DAB1: variants seen among roughly 807,000 people sequenced by gnomAD.
DAB1 encodes the protein DAB adaptor protein 1.
Under a neutral mutation model 64.6 loss-of-function variants are expected in DAB1, and 15 were observed. That is an observed-to-expected ratio of 0.23 (90% CI 0.16 to 0.36). The LOEUF (loss-of-function observed/expected upper bound fraction) is 0.36, where lower values mean the gene tolerates loss of function less well. Among genes scored for constraint, DAB1 ranks in the 10% least tolerant of loss-of-function variants. DAB1 has a pLI of 1.00. For synonymous variants in DAB1, 235 were observed against 251.9 expected, an observed-to-expected ratio of 0.93 and a Z score of 0.64; for missense variants, 596 against 706.7, an observed-to-expected ratio of 0.84 and a Z score of 1.78.
intron 1 of DAB1, among the ~76,000 whole-genome samples, chr1:57,316,657 T>C (rs1251141901): frequency 6.6e-6 from 1 of 152,134 alleles, no homozygotes; most frequent in Non-Finnish European, 1.5e-5. Context: ...GCAGCTTGGA[T>C]CTACCTCAAA....
intron 5 of DAB1, among the ~76,000 whole-genome samples, chr1:57,965,891 C>G (rs1473798050): frequency 6.6e-6 from 1 of 151,942 alleles, no homozygotes; most frequent in Non-Finnish European, 1.5e-5. Flanking sequence ...TGCATTGTGG[C>G]AAATTTCTCT....
intron 6 of DAB1, among the ~76,000 whole-genome samples, chr1:57,812,508 G>T (rs565794203): frequency 1.3e-5 from 2 of 152,140 alleles, no homozygotes; most frequent in Non-Finnish European, 2.9e-5. Context: ...GGAGGCCGCA[G>T]ATAGAGGTCA....
intron 2 of DAB1, among the ~76,000 whole-genome samples, chr1:57,247,690 C>T (rs1374439717): frequency 6.6e-6 from 1 of 152,196 alleles, no homozygotes; most frequent in Non-Finnish European, 1.5e-5. Context: ...TTCTAGGCTT[C>T]CTTGTTGTTA....
intron 1 of DAB1, among the ~76,000 whole-genome samples, chr1:57,863,499 T>C (rs943359811): frequency 6.6e-6 from 1 of 152,170 alleles, no homozygotes; most frequent in Non-Finnish European, 1.5e-5. Flanking sequence ...GATGGCCCTG[T>C]AGTCCAGTCA....
intron 10 of DAB1, among the ~76,000 whole-genome samples, chr1:57,025,127 G>A (rs1253068098): frequency 6.6e-6 from 1 of 152,224 alleles, no homozygotes; most frequent in East Asian, 1.9e-4. Context: ...AGCTTCAGCT[G>A]GTGCAGCTGC....
intron 5 of DAB1, among the ~76,000 whole-genome samples, chr1:57,912,605 G>T (rs1216210629): frequency 2.0e-5 from 3 of 152,138 alleles, no homozygotes; most frequent in Non-Finnish European, 4.4e-5. Flanking sequence ...CAATCAGGCA[G>T]GAGAAGGAAA....
At chr1:58,323,246 A>AATC (rs1014887775) in intron 4 of DAB1, among the ~76,000 whole-genome samples, 25 of 150,732 alleles carry the variant, frequency 1.7e-4, no homozygotes, top group Admixed American at 2.6e-4. Context: ...TAATAATAAT[A>AATC]ATAATAATAA....
intron 3 of DAB1, among the ~76,000 whole-genome samples, chr1:58,396,015 G>T (rs1405567204): frequency 6.6e-6 from 1 of 151,560 alleles, no homozygotes; most frequent in Non-Finnish European, 1.5e-5. Flanking sequence ...AACCCTGATT[G>T]TTAGCCAGCC....
At chr1:57,365,422 T>C (rs1679916497) in intron 1 of DAB1, among the ~76,000 whole-genome samples, 1 of 146,968 alleles carries the variant, frequency 6.8e-6, no homozygotes, top group East Asian at 2.0e-4. Context: ...ATATATATTC[T>C]GTACTTCACA....
chr1:57,250,929 C>T (rs1015807390), intron 2 of DAB1, among the ~76,000 whole-genome samples: 7 of 152,164 alleles, frequency 4.6e-5, no homozygotes, highest in Non-Finnish European at 7.3e-5. Flanking sequence ...GAACTTACAT[C>T]TTTCTGGAAT....
chr1:58,149,188 T>C (rs1184202865), intron 5 of DAB1, among the ~76,000 whole-genome samples: 1 of 152,288 alleles, frequency 6.6e-6, no homozygotes, highest in East Asian at 1.9e-4. Flanking sequence ...GATCAGCAGA[T>C]AGTAAGAACA....
chr1:58,142,440 GT>G (rs1557669067), intron 5 of DAB1, among the ~76,000 whole-genome samples: 1 of 152,180 alleles, frequency 6.6e-6, no homozygotes, highest in African/African-American at 2.4e-5. Flanking sequence ...GAGTGGTGGC[GT>G]TTTTGTTTCT....
At chr1:58,218,739 A>G (rs1210979145) in intron 4 of DAB1, among the ~76,000 whole-genome samples, 2 of 152,172 alleles carry the variant, frequency 1.3e-5, no homozygotes, top group Admixed American at 1.3e-4. Context: ...TAAATGCTCA[A>G]TGACCACAAC....
chr1:57,156,001 C>T (rs745530427), intron 2 of DAB1, among the ~76,000 whole-genome samples: 2 of 152,004 alleles, frequency 1.3e-5, no homozygotes, highest in African/African-American at 2.4e-5. Context: ...AATTTGGATG[C>T]CCTAAGAATC....
At chr1:57,301,217 A>C (rs950543226) in intron 1 of DAB1, among the ~76,000 whole-genome samples, 1 of 152,156 alleles carries the variant, frequency 6.6e-6, no homozygotes, top group African/African-American at 2.4e-5. Context: ...GTGTAAGCAG[A>C]CCCTGTAAAT....
At chr1:57,694,945 T>TA (rs757355712) in intron 6 of DAB1, among the ~76,000 whole-genome samples, 105 of 152,072 alleles carry the variant, frequency 6.9e-4, no homozygotes, top group Non-Finnish European at 1.1e-3. Flanking sequence ...TATCATATCT[T>TA]AAAAAAAATC....
intron 7 of DAB1, among the ~76,000 whole-genome samples, chr1:57,070,568 G>A (rs1268302100): frequency 6.6e-6 from 1 of 152,180 alleles, no homozygotes; most frequent in African/African-American, 2.4e-5. Context: ...CCCATCGGGG[G>A]TCAGAGAGTC....
chr1:58,252,654 A>G (rs1660831095), intron 4 of DAB1, among the ~76,000 whole-genome samples: 1 of 152,212 alleles, frequency 6.6e-6, no homozygotes, highest in Non-Finnish European at 1.5e-5. Flanking sequence ...CAGAAACTCA[A>G]TGAGATAAAA....
chr1:57,544,388 A>C (rs1037581396), intron 7 of DAB1, among the ~76,000 whole-genome samples: 2 of 152,230 alleles, frequency 1.3e-5, no homozygotes, highest in Non-Finnish European at 2.9e-5. Context: ...AAGAAGATTA[A>C]AGGCTAACAG....
Sources: allele counts gnomAD v4.1 joint callset (sites outside exome capture counted in the v4.1 genomes callset), GRCh38; gene constraint gnomAD v4.1.1; transcripts MANE v1.5; gene names NCBI Gene and HGNC (gene_info 2026-07-23, HGNC 2026-07-21).